The following MED6 variants were observed in gnomAD, a reference collection of about 807,000 sequenced individuals.
The protein encoded by MED6 is mediator of RNA polymerase II transcription subunit 6.
In MED6, 33 loss-of-function variants were observed where a neutral mutation model predicts 37.5. The ratio of observed to expected loss-of-function variants is 0.88; its 90% CI spans 0.67 to 1.18. The LOEUF (loss-of-function observed/expected upper bound fraction) is 1.18. Among genes scored for constraint, MED6 ranks in the 50% most tolerant of loss-of-function variants. MED6 has a pLI of 0.00. For missense variants in MED6, 235 were observed against 290.6 expected (o/e 0.81, Z 1.39); for synonymous variants, 94 against 93.6 (o/e 1.00, Z -0.02).
intron 4 of MED6, 49 bp from the exon 5 acceptor site, chr14:70,593,037 T>C (rs1884931572): frequency 6.2e-6 from 10 of 1,607,724 alleles, no homozygotes; most frequent in Middle Eastern, 1.7e-4. Context: ...TCGACCAAAC[T>C]TTCCAAAGTA....
intron 3 of MED6, chr14:70,595,593 G>A (rs1020579413): frequency 1.0e-4 from 74 of 731,864 alleles, no homozygotes; most frequent in African/African-American, 4.9e-4. Flanking sequence ...GGCACAGGCC[G>A]GGGCAGAGAG....
intron 3 of MED6, chr14:70,595,341 A>T: frequency 1.8e-6 from 1 of 558,512 alleles, no homozygotes; most frequent in South Asian, 1.5e-5. Context: ...GGAGCTAGAC[A>T]AGTACTGGTC....
At chr14:70,591,423 G>T in intron 5 of MED6, 42 bp from the exon 6 acceptor site, 1 of 1,460,564 alleles carries the variant, frequency 6.8e-7, no homozygotes, top group Non-Finnish European at 9.4e-7. Context: ...TGCCTACTTA[G>T]TTTGGTGTCT....
chr14:70,597,542 T>A lies in MED6; in HGVS notation c.182+76A>T, dbSNP rs985875788. 28 of 1,292,338 alleles carry A rather than the reference T, an allele frequency of 2.2e-5. No homozygotes were observed. The Admixed American group carries it at 8.3e-4, about 38-fold the overall frequency. 80.1% of individuals were successfully genotyped at this position (1,292,338 alleles called of 1,614,324 possible). A position where few individuals can be genotyped will look rare whatever the true frequency, so the allele number is the denominator to read the frequency against. On this transcript the variant is annotated intron_variant, in intron 2 of 7. Coordinates refer to ENST00000256379, the MANE Select transcript of MED6 (RefSeq NM_005466.4). ...TCTAAAAGTTCTACTCTGCACTTCA[T>A]GATCCACAGTTTGAAAGAACTGTTC...
chr14:70,593,014 A>G, intron 4 of MED6, 26 bp from the exon 5 acceptor site: 1 of 1,611,714 alleles, frequency 6.2e-7, no homozygotes, highest in Non-Finnish European at 8.5e-7. Flanking sequence ...TAAACTCTAA[A>G]TTTATCATTA....
chr14:70,588,499 C>T (rs373409571), intron 6 of MED6, among the ~76,000 whole-genome samples: 78 of 151,786 alleles, frequency 5.1e-4, no homozygotes, highest in African/African-American at 1.7e-3. Flanking sequence ...TCCTGGCTAA[C>T]GCGGTGAAAC....
At chr14:70,598,698 G>A (rs1191514528) in intron 1 of MED6, among the ~76,000 whole-genome samples, 2 of 151,984 alleles carry the variant, frequency 1.3e-5, no homozygotes, top group Non-Finnish European at 2.9e-5. Context: ...ATTTCATTAG[G>A]TGAAGAAGTG....
intron 3 of MED6, among the ~76,000 whole-genome samples, 190 bp from the exon 4 acceptor site, chr14:70,593,568 T>C (rs1052649044): frequency 6.6e-6 from 1 of 152,240 alleles, no homozygotes. Flanking sequence ...GCTCTGGCAA[T>C]AATTGAGCAT....
intron 3 of MED6, among the ~76,000 whole-genome samples, chr14:70,594,289 T>G (rs1346046913): frequency 6.6e-6 from 1 of 152,206 alleles, no homozygotes; most frequent in Non-Finnish European, 1.5e-5. Flanking sequence ...TGTCTAGCTC[T>G]TTGATTCAAA....
At chr14:70,594,975 G>C in intron 3 of MED6, 1 of 596,190 alleles carries the variant, frequency 1.7e-6, no homozygotes, top group Non-Finnish European at 3.3e-6. Context: ...TGAGGGCTCA[G>C]ATCTTCTCAA....
In MED6 at chr14:70,596,631, T is replaced by A; in HGVS notation, c.254A>T (p.Gln85Leu). 1.2e-6 allele frequency: 2 copies of A among 1,613,766 alleles called. No individual in the cohort carries two copies. The highest frequency in any genetic ancestry group is 1.7e-6 in the Non-Finnish European group (2 of 1,179,694). The change falls in exon 3 of 8, where the codon CAG (glutamine) becomes CTG (leucine). Residue 85 changes from glutamine to leucine, a missense_variant. By Grantham distance (113) the Gln-to-Leu change is moderately radical. Coordinates refer to ENST00000256379, the MANE Select transcript of MED6 (RefSeq NM_005466.4). ...TTTACCTTGGGCAGGGGACTGCCGC[T>A]GTTGCTTCCGAATGATGAAAAGAAT... ...EPILFIIRKQ[Q>L]RQSPAQVIPL...
chr14:70,586,141 C>T (rs1884699901), intron 6 of MED6, among the ~76,000 whole-genome samples: 1 of 152,094 alleles, frequency 6.6e-6, no homozygotes, highest in African/African-American at 2.4e-5. Flanking sequence ...ATAAGTCTTT[C>T]AATACCCCAG....
intron 6 of MED6, among the ~76,000 whole-genome samples, chr14:70,588,740 A>T (rs1022704421): frequency 7.6e-6 from 1 of 131,396 alleles, no homozygotes; most frequent in Admixed American, 7.9e-5. Flanking sequence ...TAATAATAAT[A>T]ATTGGGAGGA....
chr14:70,597,617 C>A lies in MED6; in HGVS notation c.182+1G>T. ...AGTGCCACCTTCTTAAAATAACTTA[C>A]TTCAAGTGTTCTAATGTTAGCCTCT... On this transcript the variant is annotated splice_donor_variant, in intron 2 of 7. Coordinates refer to ENST00000256379, the MANE Select transcript of MED6 (RefSeq NM_005466.4). LOFTEE classifies it high-confidence loss of function. The A allele has an allele frequency of 6.9e-7, 1 of 1,455,174 alleles. No individual in the cohort carries two copies. Among genetic ancestry groups the A allele is most frequent in the Non-Finnish European group, 9.1e-7 (1 of 1,102,746 alleles). The allele number at this position is 1,455,174 out of a possible 1,614,324, so 90.1% of individuals were successfully genotyped here.
intron 5 of MED6, chr14:70,591,600 CAT>C (rs1271575423): frequency 9.3e-6 from 4 of 430,670 alleles, no homozygotes; most frequent in East Asian, 9.6e-5. Context: ...TAAGCTGATA[CAT>C]ATGTCTTTTA....
In MED6 at chr14:70,597,693, C is replaced by A. The variant is rs569651170; in HGVS notation, c.107G>T (p.Arg36Ile). ...SGSVLDYFSERSNPFYDRTCN... is the reference protein window; with the variant it reads ...SGSVLDYFSEISNPFYDRTCN... The stretch of plus-strand genomic sequence containing the variant: ...TGTTCTGTCATAAAAAGGATTACTT[C>A]TTTCTGAAAAGTAATCCAGGACACT... The change falls in exon 2 of 8, where the codon AGA (arginine) becomes ATA (isoleucine). Residue 36 changes from arginine (R) to isoleucine (I), a missense_variant. Transcript: ENST00000256379. 1.9e-6 allele frequency: 3 copies of A among 1,564,026 alleles called. No individual in the cohort carries two copies. The highest frequency in any genetic ancestry group is 1.2e-5 in the South Asian group (1 of 82,032).
intron 4 of MED6, 72 bp from the exon 5 acceptor site, chr14:70,593,060 A>G (rs1884932323): frequency 3.2e-6 from 5 of 1,579,414 alleles, no homozygotes; most frequent in Non-Finnish European, 4.3e-6. Flanking sequence ...TACTCACAAA[A>G]TATTACATAT....
intron 1 of MED6, among the ~76,000 whole-genome samples, chr14:70,599,009 T>C (rs745786172): frequency 6.6e-6 from 1 of 152,250 alleles, no homozygotes; most frequent in Non-Finnish European, 1.5e-5. Flanking sequence ...TAGATACTTT[T>C]AATAAATGAG....
intron 1 of MED6, among the ~76,000 whole-genome samples, chr14:70,600,181 T>C (rs943909732): frequency 6.6e-6 from 1 of 152,138 alleles, no homozygotes; most frequent in Non-Finnish European, 1.5e-5. Flanking sequence ...CTGGGATTCA[T>C]GCTCAGGGAC....
Sources: gnomAD v4.1 joint callset for allele counts (sites outside exome capture counted in the v4.1 genomes callset) on GRCh38, gnomAD v4.1.1 for gene constraint, MANE v1.5 for transcripts, NCBI Gene and HGNC (gene_info 2026-07-23, HGNC 2026-07-21) for gene names.